Variants in ST18 observed in about 807,000 individuals in gnomAD.
ST18 encodes suppression of tumorigenicity 18 protein.
In ST18, 50 loss-of-function variants were observed where a neutral mutation model predicts 110.0. That is an observed-to-expected ratio of 0.45 (90% confidence interval 0.36 to 0.58). The LOEUF (loss-of-function observed/expected upper bound fraction) is 0.58, where lower values mean the gene tolerates loss of function less well. ST18 is among the 20% of genes least tolerant of loss of function. The pLI is 0.00. For missense variants in ST18, 1,306 were observed against 1,280.1 expected, an observed-to-expected ratio of 1.02 and a Z score of -0.31; for synonymous variants, 461 against 452.4, an observed-to-expected ratio of 1.02 and a Z score of -0.24.
intron 2 of ST18, among the ~76,000 whole-genome samples, chr8:52,260,775 A>G (rs2094666637): frequency 6.6e-6 from 1 of 152,074 alleles, no homozygotes; most frequent in Admixed American, 6.6e-5. Context: ...TCCCCTCTTT[A>G]CAGAAAGGCA....
At chr8:52,147,189 G>GACACACAAGA (rs2057541376) in intron 16 of ST18, among the ~76,000 whole-genome samples, 1 of 152,174 alleles carries the variant, frequency 6.6e-6, no homozygotes, top group African/African-American at 2.4e-5. Flanking sequence ...TCTTGTGTGT[G>GACACACAAGA]TGAATTTGCT....
In ST18 at chr8:52,306,039, A is replaced by G. The variant is rs529832291; in HGVS notation, c.-464-75962T>C. 4.3e-4 allele frequency among the ~76,000 whole-genome samples: 65 copies of G among 152,054 alleles called. 2 individuals carry two copies. Among genetic ancestry groups the G allele is most frequent in the Middle Eastern group, 3.4e-3 (1 of 294 alleles). Reference sequence around the variant, plus strand: ...TCTCTGTGGCCTGACGTCCTCCCCTATACCTCCCCACTCGGCCACATTGGC... The same window carrying G: ...TCTCTGTGGCCTGACGTCCTCCCCTGTACCTCCCCACTCGGCCACATTGGC... On this transcript the variant is annotated intron_variant, in intron 2 of 25. Transcript: ENST00000689386.
chr8:52,164,978 T>C (rs986544820), intron 12 of ST18, among the ~76,000 whole-genome samples, 157 bp downstream of exon 12: 1 of 152,234 alleles, frequency 6.6e-6, no homozygotes, highest in African/African-American at 2.4e-5. Context: ...TTTTTGACAA[T>C]GCACATGCTG....
chr8:52,257,396 C>T (rs1486404890), intron 2 of ST18, among the ~76,000 whole-genome samples: 2 of 152,094 alleles, frequency 1.3e-5, no homozygotes, highest in African/African-American at 2.4e-5. Context: ...ATACCTTTCC[C>T]CCAGCAGTGT....
At chr8:52,201,133 G>T in intron 8 of ST18, 1 of 152,554 alleles carries the variant, frequency 6.6e-6, no homozygotes, top group Admixed American at 6.5e-5. Context: ...TGCAGTCTGA[G>T]AGGTAGAGGA....
intron 2 of ST18, among the ~76,000 whole-genome samples, chr8:52,354,165 T>A (rs956459902): frequency 6.6e-6 from 1 of 152,238 alleles, no homozygotes; most frequent in African/African-American, 2.4e-5. Flanking sequence ...CTTTTGCTTT[T>A]ACTGAAAATG....
intron 12 of ST18, among the ~76,000 whole-genome samples, chr8:52,164,817 A>G (rs1328089814): frequency 6.6e-6 from 1 of 152,244 alleles, no homozygotes; most frequent in Non-Finnish European, 1.5e-5. Context: ...CAAAACAGCA[A>G]TGGTGAGGTT....
chr8:52,367,234 T>TCA lies in ST18; in HGVS notation c.-465+42093_-465+42094insTG, dbSNP rs1491543543. Among the ~76,000 whole-genome samples the TCA allele has an allele frequency of 8.2e-4, 86 of 104,528 alleles. 1 individual carries two copies. Among genetic ancestry groups the TCA allele is most frequent in the South Asian group, 3.9e-3 (10 of 2,584 alleles). 68.6% of individuals were successfully genotyped at this position (104,528 alleles called of 152,430 possible). On this transcript the variant is annotated intron_variant, in intron 2 of 25. Coordinates refer to ENST00000689386, the MANE Select transcript of ST18 (RefSeq NM_001352837.2). ...GCCTGGGTGACAGAGCGGGACCCTGTCTCACACACACACACACACACACAC... is the reference window on the plus strand; with the variant it reads ...GCCTGGGTGACAGAGCGGGACCCTGTCACTCACACACACACACACACACACAC...
chr8:52,277,960 C>T (rs948975501), intron 2 of ST18, among the ~76,000 whole-genome samples: 1 of 152,118 alleles, frequency 6.6e-6, no homozygotes, highest in African/African-American at 2.4e-5. Flanking sequence ...TTGGAGTCAA[C>T]AGGACACTTC....
intron 23 of ST18, among the ~76,000 whole-genome samples, chr8:52,120,314 TG>T (rs2044192519): frequency 6.6e-6 from 1 of 152,232 alleles, no homozygotes; most frequent in Non-Finnish European, 1.5e-5. Flanking sequence ...TTTGACATAT[TG>T]TTTTTCTTTT....
intron 2 of ST18, among the ~76,000 whole-genome samples, chr8:52,331,598 C>T (rs1403132301): frequency 2.0e-5 from 3 of 152,038 alleles, no homozygotes; most frequent in Non-Finnish European, 4.4e-5. Flanking sequence ...AGCAAAATGG[C>T]TCAAAAATCA....
In ST18 at chr8:52,142,925, C is replaced by G; in HGVS notation, c.2168+5G>C. The G allele has an allele frequency of 6.2e-7, 1 of 1,603,330 alleles. No homozygotes were observed. Among genetic ancestry groups the G allele is most frequent in the Non-Finnish European group, 8.5e-7 (1 of 1,170,242 alleles). ...TTAGAGGGCATGGCATTGGGCACCA[C>G]TTACGTGATTAGTTCCTTTTTGAGA... is the stretch of plus-strand genomic sequence containing the variant. On this transcript the variant is annotated splice_donor_5th_base_variant and intron_variant, in intron 17 of 25. Transcript: ENST00000689386.
At chr8:52,155,512 G>A (rs1044658876) in intron 15 of ST18, among the ~76,000 whole-genome samples, 15 of 152,192 alleles carry the variant, frequency 9.9e-5, no homozygotes, top group Non-Finnish European at 7.3e-5. Flanking sequence ...TGTGATGGGA[G>A]CCGGCACTTG....
intron 2 of ST18, among the ~76,000 whole-genome samples, chr8:52,259,204 G>A (rs957979450): frequency 1.3e-5 from 2 of 152,146 alleles, no homozygotes; most frequent in Non-Finnish European, 2.9e-5. Context: ...TCATAGCAAG[G>A]GTCAACTGGA....
chr8:52,219,383 TA>T (rs1425995976), intron 5 of ST18, among the ~76,000 whole-genome samples: 4 of 152,104 alleles, frequency 2.6e-5, no homozygotes, highest in African/African-American at 4.8e-5. Context: ...AAAGTAAACT[TA>T]AAAAAAACTA....
At position 52,238,566 on chromosome 8, in the gene ST18, T is replaced by C. The variant is rs545526449; in HGVS notation, c.-464-8489A>G. 3.3e-5 allele frequency among the ~76,000 whole-genome samples: 5 copies of C among 152,188 alleles called. No homozygotes were observed. The South Asian group carries it at 1.0e-3, about 32-fold the overall frequency. The stretch of plus-strand genomic sequence containing the variant: ...GTTTTTTGTAGCACATTAGTCACAA[T>C]AGCAAAGACATGAAATCCACCTAAT... On this transcript the variant is annotated intron_variant, in intron 2 of 25. Transcript: ENST00000689386.
At chr8:52,148,140 G>T (rs539067023) in intron 16 of ST18, among the ~76,000 whole-genome samples, 1 of 151,520 alleles carries the variant, frequency 6.6e-6, no homozygotes, top group African/African-American at 2.4e-5. Flanking sequence ...GTCATTTGAG[G>T]CAAATGAGCT....
intron 3 of ST18, among the ~76,000 whole-genome samples, chr8:52,227,762 G>A (rs751377645): frequency 7.2e-5 from 11 of 152,142 alleles, no homozygotes; most frequent in South Asian, 2.1e-4. Flanking sequence ...TGACAGCATC[G>A]CCCAGAATTC....
chr8:52,289,109 G>A (rs2095514721), intron 2 of ST18, among the ~76,000 whole-genome samples: 1 of 152,186 alleles, frequency 6.6e-6, no homozygotes, highest in South Asian at 2.1e-4. Flanking sequence ...AGCCCCTGCA[G>A]GTCAGAAAGC....
Sources: gnomAD v4.1 joint callset for allele counts (sites outside exome capture counted in the v4.1 genomes callset) on GRCh38, gnomAD v4.1.1 for gene constraint, MANE v1.5 for transcripts, NCBI Gene and HGNC (gene_info 2026-07-23, HGNC 2026-07-21) for gene names.